The following UGT8 variants were observed in gnomAD, a reference collection of about 807,000 sequenced individuals.
The protein encoded by UGT8 is UDP glycosyltransferase 8, also known as 2-hydroxyacylsphingosine 1-beta-galactosyltransferase.
In UGT8, 12 loss-of-function variants were observed where a neutral mutation model predicts 40.5. That is an observed-to-expected ratio of 0.30 (90% CI 0.19 to 0.48). The LOEUF (loss-of-function observed/expected upper bound fraction) is 0.48. UGT8 is among the 20% of genes least tolerant of loss of function. The probability of loss-of-function intolerance (pLI) is 0.99; values close to 1 mark genes in which losing one functional copy is unlikely to be tolerated. For missense variants in UGT8, 513 were observed against 648.7 expected (o/e 0.79, Z 2.27); for synonymous variants, 224 against 240.4 (o/e 0.93, Z 0.63).
At chr4:114,659,225 A>G (rs1363844857) in intron 2 of UGT8, among the ~76,000 whole-genome samples, 2 of 152,232 alleles carry the variant, frequency 1.3e-5, no homozygotes, top group Non-Finnish European at 2.9e-5. Flanking sequence ...TTTCCTTATT[A>G]TGCTACCTTT....
At chr4:114,609,588 G>A (rs1730924096) in intron 1 of UGT8, among the ~76,000 whole-genome samples, 1 of 152,016 alleles carries the variant, frequency 6.6e-6, no homozygotes, top group Admixed American at 6.6e-5. Flanking sequence ...ATTCAGAGGA[G>A]GGATCCTAGT....
At chr4:114,599,221 C>T (rs1276722187) in intron 1 of UGT8, among the ~76,000 whole-genome samples, 1 of 152,046 alleles carries the variant, frequency 6.6e-6, no homozygotes, top group Non-Finnish European at 1.5e-5. Context: ...TTAGGCTGGC[C>T]CCTCATAGCG....
At chr4:114,644,027 T>G (rs1733395205) in intron 2 of UGT8, among the ~76,000 whole-genome samples, 1 of 151,954 alleles carries the variant, frequency 6.6e-6, no homozygotes, top group South Asian at 2.1e-4. Context: ...TCAGCCATGG[T>G]GCCTTTCTTC....
At chr4:114,670,216 G>T (rs1215014370) in intron 5 of UGT8, among the ~76,000 whole-genome samples, 5 of 151,630 alleles carry the variant, frequency 3.3e-5, no homozygotes, top group Non-Finnish European at 7.4e-5. Context: ...TGGATCACAA[G>T]GTCAGGAGAT....
rs982449235 is a variant in UGT8, at chr4:114,646,829, C to G, written c.823-17166C>G. Among the ~76,000 whole-genome samples, 7 of 152,170 alleles carry G rather than the reference C, an allele frequency of 4.6e-5. No homozygotes were observed. The East Asian group carries it at 9.6e-4, about 21-fold the overall frequency. ...TTTCAATTTGGTCAAATTGTTGAGG[C>G]CACTGCCACGTTCATGTTGGAGTCA... On this transcript the variant is annotated intron_variant, in intron 2 of 5. Coordinates refer to ENST00000310836, the MANE Select transcript of UGT8 (RefSeq NM_001128174.3).
intron 2 of UGT8, chr4:114,656,675 C>A: frequency 2.5e-6 from 1 of 401,408 alleles, no homozygotes. Context: ...CAGGGGAGAA[C>A]AATAGAGGAG....
At chr4:114,612,797 A>T (rs1046263537) in intron 1 of UGT8, among the ~76,000 whole-genome samples, 2 of 152,144 alleles carry the variant, frequency 1.3e-5, no homozygotes, top group African/African-American at 4.8e-5. Context: ...CCCTACGTCT[A>T]CTGAACCACA....
chr4:114,608,209 G>A (rs142644994), intron 1 of UGT8, among the ~76,000 whole-genome samples: 183 of 152,048 alleles, frequency 1.2e-3, no homozygotes, highest in African/African-American at 4.3e-3. Context: ...TGACACTCAA[G>A]TCCCACCTCA....
At chr4:114,670,769 C>T (rs1735214519) in intron 5 of UGT8, among the ~76,000 whole-genome samples, 1 of 152,184 alleles carries the variant, frequency 6.6e-6, no homozygotes, top group South Asian at 2.1e-4. Flanking sequence ...CAAGGATGCC[C>T]TCTCTCACCA....
At chr4:114,663,222 AT>A (rs1734660666) in intron 2 of UGT8, among the ~76,000 whole-genome samples, 1 of 152,118 alleles carries the variant, frequency 6.6e-6, no homozygotes, top group African/African-American at 2.4e-5. Flanking sequence ...AGGCATGGCA[AT>A]AACTCTTCCT....
At chr4:114,606,848 T>C (rs1360249682) in intron 1 of UGT8, among the ~76,000 whole-genome samples, 1 of 152,162 alleles carries the variant, frequency 6.6e-6, no homozygotes, top group Non-Finnish European at 1.5e-5. Context: ...GGGTGTGTTA[T>C]AGCAGGAAAC....
At chr4:114,611,354 A>G (rs1405741816) in intron 1 of UGT8, among the ~76,000 whole-genome samples, 1 of 148,574 alleles carries the variant, frequency 6.7e-6, no homozygotes. Context: ...GGAATTTCAG[A>G]AATAGAAACC....
chr4:114,670,486 C>T (rs891421410), intron 5 of UGT8, among the ~76,000 whole-genome samples: 3 of 147,468 alleles, frequency 2.0e-5, no homozygotes, highest in Admixed American at 6.8e-5. Context: ...TTGGTTTCAT[C>T]CCTGGGATGC....
intron 2 of UGT8, among the ~76,000 whole-genome samples, chr4:114,644,739 A>G (rs1002464381): frequency 5.3e-5 from 8 of 152,090 alleles, no homozygotes; most frequent in Non-Finnish European, 2.9e-5. Context: ...AATCACACCT[A>G]TCCTTCCTCT....
intron 4 of UGT8, 80 bp from the exon 5 acceptor site, chr4:114,668,005 G>C: frequency 6.5e-7 from 1 of 1,546,068 alleles, no homozygotes; most frequent in Non-Finnish European, 8.7e-7. Context: ...CTGTAGTGCC[G>C]ATTTTTAATG....
intron 2 of UGT8, among the ~76,000 whole-genome samples, chr4:114,655,731 A>G (rs1734147086): frequency 6.6e-6 from 1 of 151,992 alleles, no homozygotes; most frequent in African/African-American, 2.4e-5. Context: ...CACAATACAA[A>G]CCATAAAAAT....
chr4:114,667,319 T>G (rs1349220496), intron 4 of UGT8, among the ~76,000 whole-genome samples: 2 of 152,184 alleles, frequency 1.3e-5, no homozygotes, highest in Non-Finnish European at 2.9e-5. Flanking sequence ...AAGTACAATG[T>G]TTTTGTTTTG....
chr4:114,605,584 A>G, intron 1 of UGT8, among the ~76,000 whole-genome samples: 1 of 152,182 alleles, frequency 6.6e-6, no homozygotes, highest in East Asian at 1.9e-4. Flanking sequence ...CAAGACACCA[A>G]ATCATGACTT....
chr4:114,646,363 A>G (rs776170569), intron 2 of UGT8, among the ~76,000 whole-genome samples: 31 of 151,954 alleles, frequency 2.0e-4, no homozygotes, highest in African/African-American at 7.2e-4. Flanking sequence ...CTGTATATAC[A>G]TACATATATC....
Sources: allele counts gnomAD v4.1 joint callset (sites outside exome capture counted in the v4.1 genomes callset), GRCh38; gene constraint gnomAD v4.1.1; transcripts MANE v1.5; gene names NCBI Gene and HGNC (gene_info 2026-07-23, HGNC 2026-07-21).